Variants in DLGAP2 observed in about 807,000 individuals in gnomAD.
DLGAP2 encodes the protein DLG associated protein 2.
DLGAP2 carries 26 observed loss-of-function variants against 100.3 expected under a neutral mutation model. The ratio of observed to expected loss-of-function variants is 0.26; its 90% CI spans 0.19 to 0.36. DLGAP2 has a LOEUF of 0.36. Ranked by LOEUF, DLGAP2 falls within the 10% of genes least tolerant of loss-of-function variation. The pLI is 1.00. For synonymous variants in DLGAP2, 886 were observed against 630.1 expected, an observed-to-expected ratio of 1.41 and a Z score of -6.08; for missense variants, 1,858 against 1,453.2, an observed-to-expected ratio of 1.28 and a Z score of -4.53.
chr8:887,259 A>G (rs997029004), intron 1 of DLGAP2, among the ~76,000 whole-genome samples: 2 of 151,334 alleles, frequency 1.3e-5, no homozygotes, highest in African/African-American at 4.9e-5. Context: ...TTGAGCCTAC[A>G]TGTGTCTTTG....
intron 13 of DLGAP2, among the ~76,000 whole-genome samples, chr8:1,694,214 C>T (rs749796431): frequency 3.9e-5 from 6 of 152,242 alleles, no homozygotes; most frequent in Admixed American, 1.3e-4. Flanking sequence ...ACGTTTGGGG[C>T]GGAAGAGTGG....
chr8:1,651,595 C>T (rs1206508932), intron 8 of DLGAP2, among the ~76,000 whole-genome samples: 1 of 152,298 alleles, frequency 6.6e-6, no homozygotes, highest in East Asian at 1.9e-4. Flanking sequence ...CTGCCATGAC[C>T]ACCCCACTCC....
At chr8:1,286,210 A>C (rs1008054913) in intron 3 of DLGAP2, among the ~76,000 whole-genome samples, 1 of 152,120 alleles carries the variant, frequency 6.6e-6, no homozygotes, top group South Asian at 2.1e-4. Flanking sequence ...CTTGGCACTC[A>C]TTCTCTCTCC....
At chr8:807,218 CTCAT>C (rs1347115237) in intron 1 of DLGAP2, among the ~76,000 whole-genome samples, 1 of 152,054 alleles carries the variant, frequency 6.6e-6, no homozygotes, top group Non-Finnish European at 1.5e-5. Flanking sequence ...GGTACTCGTT[CTCAT>C]TCATAAGTTC....
At chr8:1,000,448 G>GTTTTC (rs1262648453) in intron 2 of DLGAP2, among the ~76,000 whole-genome samples, 3 of 150,590 alleles carry the variant, frequency 2.0e-5, no homozygotes, top group Middle Eastern at 3.5e-3. Flanking sequence ...GGGTGGGGTG[G>GTTTTC]TTTTGTTTTG....
chr8:1,604,983 A>G lies in DLGAP2; in HGVS notation c.1443-21757A>G, dbSNP rs531048551. Among the ~76,000 whole-genome samples the G allele has an allele frequency of 2.0e-5, 3 of 152,302 alleles. No individual in the cohort carries two copies. The South Asian group carries it at 6.2e-4, about 32-fold the overall frequency. ...TCGTGTGTGGAGTACTTGTGGTGTA[A>G]CAGGATAAAGATAGTGCAGTCGCTT... On this transcript the variant is annotated intron_variant, in intron 6 of 14. Coordinates refer to ENST00000637795, the MANE Select transcript of DLGAP2 (RefSeq NM_001346810.2).
intron 2 of DLGAP2, chr8:910,559 T>C (rs1019985724): frequency 1.3e-5 from 2 of 152,186 alleles, no homozygotes; most frequent in African/African-American, 4.8e-5. Context: ...AGCCTTTAAA[T>C]AAAAACCCAA....
At chr8:1,034,706 G>A (rs79198709) in intron 2 of DLGAP2, among the ~76,000 whole-genome samples, 3 of 8,592 alleles carry the variant, frequency 3.5e-4, no homozygotes, top group African/African-American at 1.5e-3. Context: ...CCGACCCCGC[G>A]TGTCACCGCG....
Position 1,549,365 on chromosome 8 carries a change from C to T in DLGAP2, c.912C>T (p.Asp304=), listed in dbSNP as rs2130518203. 6 of 1,613,452 alleles carry T rather than the reference C, an allele frequency of 3.7e-6. No homozygotes were observed. The highest frequency in any genetic ancestry group is 5.1e-6 in the Non-Finnish European group (6 of 1,179,800). Residue 304 remains aspartate, a synonymous_variant, in exon 5 of 15, where the codon GAC becomes GAT. Transcript: ENST00000637795. ...SSWWSSDDNL[D]SDSTYRTPSV... is the part of the protein sequence containing the mutation. Reference sequence around the variant, plus strand: ...GGTGGAGCTCGGACGACAACCTGGACAGCGACAGCACCTATCGGACGCCCA... The same window carrying T: ...GGTGGAGCTCGGACGACAACCTGGATAGCGACAGCACCTATCGGACGCCCA...
chr8:1,698,829 C>T (rs1471933638), intron 14 of DLGAP2, among the ~76,000 whole-genome samples: 2 of 151,026 alleles, frequency 1.3e-5, no homozygotes, highest in African/African-American at 4.9e-5. Context: ...ATAAGCCATG[C>T]AGGGGACAGG....
At chr8:1,504,984 A>T (rs1204950104) in intron 4 of DLGAP2, among the ~76,000 whole-genome samples, 1 of 152,104 alleles carries the variant, frequency 6.6e-6, no homozygotes, top group Non-Finnish European at 1.5e-5. Context: ...TAATTAAGAG[A>T]AAAAGCAAAA....
chr8:1,598,592 G>A (rs1796530246), intron 6 of DLGAP2, among the ~76,000 whole-genome samples: 1 of 152,082 alleles, frequency 6.6e-6, no homozygotes. Context: ...TTTAGTCTTG[G>A]GAGGGTGTAT....
At chr8:782,527 A>G (rs1179809246) in intron 1 of DLGAP2, among the ~76,000 whole-genome samples, 2 of 152,224 alleles carry the variant, frequency 1.3e-5, no homozygotes, top group Admixed American at 1.3e-4. Context: ...CTACATGTCA[A>G]TATTTGATGA....
chr8:781,627 A>G (rs542729140), intron 1 of DLGAP2, among the ~76,000 whole-genome samples: 2 of 152,292 alleles, frequency 1.3e-5, no homozygotes, highest in Admixed American at 1.3e-4. Context: ...GAGCCCATTA[A>G]CACAAGAGGA....
At chr8:1,461,749 G>A (rs534412677) in intron 3 of DLGAP2, among the ~76,000 whole-genome samples, 12 of 34,674 alleles carry the variant, frequency 3.5e-4, no homozygotes, top group African/African-American at 1.5e-3. Flanking sequence ...GTTGGGAGAA[G>A]GTGCTGCTGT....
chr8:1,444,322 C>G (rs1563153337), intron 3 of DLGAP2, among the ~76,000 whole-genome samples: 1 of 152,220 alleles, frequency 6.6e-6, no homozygotes, highest in African/African-American at 2.4e-5. Context: ...TGGGCACTTA[C>G]ACGGTATTAG....
At chr8:933,101 G>T (rs1798995569) in intron 2 of DLGAP2, among the ~76,000 whole-genome samples, 1 of 152,226 alleles carries the variant, frequency 6.6e-6, no homozygotes, top group South Asian at 2.1e-4. Context: ...GTCCGTTCCT[G>T]CAGAACCCTG....
chr8:985,061 G>C (rs1346655338), intron 2 of DLGAP2, among the ~76,000 whole-genome samples: 3 of 152,168 alleles, frequency 2.0e-5, no homozygotes, highest in African/African-American at 7.2e-5. Flanking sequence ...TATTTATAAA[G>C]AGCCTCAGAG....
chr8:1,414,650 C>T, intron 3 of DLGAP2, among the ~76,000 whole-genome samples: 1 of 151,974 alleles, frequency 6.6e-6, no homozygotes, highest in East Asian at 2.0e-4. Context: ...GCCATCTACG[C>T]ACGTCCAGGC....
Sources: allele counts gnomAD v4.1 joint callset (sites outside exome capture counted in the v4.1 genomes callset), GRCh38; gene constraint gnomAD v4.1.1; transcripts MANE v1.5; gene names NCBI Gene and HGNC (gene_info 2026-07-23, HGNC 2026-07-21).